The following KCNT2 variants were observed in gnomAD, a reference collection of about 807,000 sequenced individuals.
KCNT2 encodes the protein potassium channel subfamily T member 2.
In KCNT2, 67 loss-of-function variants were observed where a neutral mutation model predicts 153.8. The ratio of observed to expected loss-of-function variants is 0.44; its 90% CI spans 0.36 to 0.53. KCNT2 has a LOEUF of 0.53. Among genes scored for constraint, KCNT2 ranks in the 20% least tolerant of loss-of-function variants. KCNT2 has a pLI of 0.00. For synonymous variants in KCNT2, 500 were observed against 458.8 expected (o/e 1.09, Z -1.15); for missense variants, 975 against 1,354.8 (o/e 0.72, Z 4.40).
chr1:196,351,084 T>A (rs1666643146), intron 14 of KCNT2, among the ~76,000 whole-genome samples: 1 of 152,116 alleles, frequency 6.6e-6, no homozygotes, highest in Non-Finnish European at 1.5e-5. Flanking sequence ...GGTACCAGTA[T>A]CATGCTGCTT....
intron 1 of KCNT2, among the ~76,000 whole-genome samples, chr1:196,554,082 T>G (rs1476980811): frequency 6.6e-6 from 1 of 150,932 alleles, no homozygotes; most frequent in African/African-American, 2.4e-5. Context: ...ATCAAATAAA[T>G]AACTTAATAA....
chr1:196,398,520 G>T, intron 13 of KCNT2, 43 bp downstream of exon 13: 2 of 1,084,044 alleles, frequency 1.8e-6, no homozygotes, highest in Non-Finnish European at 2.8e-6. Context: ...CACTATAGGA[G>T]TTTCAGGAAA....
intron 8 of KCNT2, among the ~76,000 whole-genome samples, chr1:196,464,411 C>T (rs77362453): frequency 1.3e-5 from 2 of 151,932 alleles, no homozygotes; most frequent in Admixed American, 6.6e-5. Flanking sequence ...GAGTTACTAA[C>T]CACATACTAT....
At chr1:196,453,957 G>T (rs1676436891) in intron 8 of KCNT2, among the ~76,000 whole-genome samples, 2 of 151,686 alleles carry the variant, frequency 1.3e-5, no homozygotes, top group Admixed American at 6.6e-5. Context: ...TGAATGCATT[G>T]CATAATTCAC....
chr1:196,305,147 C>G, intron 22 of KCNT2, 87 bp downstream of exon 22: 1 of 783,420 alleles, frequency 1.3e-6, no homozygotes, highest in Non-Finnish European at 2.2e-6. Flanking sequence ...GTTTTACTAT[C>G]TCATGGCATT....
intron 27 of KCNT2, among the ~76,000 whole-genome samples, chr1:196,230,064 C>T (rs1409637921): frequency 6.6e-6 from 1 of 151,974 alleles, no homozygotes; most frequent in Non-Finnish European, 1.5e-5. Context: ...CTAAATTAAA[C>T]AACAGATTTT....
rs1169872694 is a variant in KCNT2, at chr1:196,296,740, T to C, written c.2595+8494A>G. ...CTGTTGGCTTTAATGTTTTGAAATG[T>C]TTTTTTATTTGACTTGGGCTGTGAA... is the stretch of plus-strand genomic sequence containing the variant. On this transcript the variant is annotated intron_variant, in intron 22 of 27. Transcript: ENST00000294725. Among the ~76,000 whole-genome samples, 4 of 152,174 alleles carry C rather than the reference T, an allele frequency of 2.6e-5. No individual in the cohort carries two copies. The East Asian group carries it at 5.8e-4, about 22-fold the overall frequency.
chr1:196,377,785 T>C (rs902157979), intron 13 of KCNT2, among the ~76,000 whole-genome samples: 1 of 152,122 alleles, frequency 6.6e-6, no homozygotes, highest in Non-Finnish European at 1.5e-5. Flanking sequence ...TAGCAGGAGA[T>C]GACATTCCCT....
intron 26 of KCNT2, among the ~76,000 whole-genome samples, chr1:196,251,471 G>A (rs1217073748): frequency 1.3e-5 from 2 of 151,910 alleles, no homozygotes; most frequent in African/African-American, 4.8e-5. Flanking sequence ...GGAACTGGAG[G>A]TCATTATGTT....
intron 26 of KCNT2, among the ~76,000 whole-genome samples, chr1:196,242,798 G>A (rs896635660): frequency 6.6e-6 from 1 of 152,122 alleles, no homozygotes; most frequent in African/African-American, 2.4e-5. Flanking sequence ...TTCAGAATAA[G>A]TGTCAGGAAT....
chr1:196,346,440 C>A (rs558001338), intron 14 of KCNT2, among the ~76,000 whole-genome samples: 1 of 152,230 alleles, frequency 6.6e-6, no homozygotes, highest in South Asian at 2.1e-4. Flanking sequence ...TTATCAAACA[C>A]CAAATTCCTA....
chr1:196,228,176 G>T lies in KCNT2; in HGVS notation c.*48C>A. The T allele has an allele frequency of 1.8e-6, 2 of 1,134,956 alleles. No homozygotes were observed. The highest frequency in any genetic ancestry group is 2.4e-5 in the East Asian group (1 of 42,260). 70.3% of individuals were successfully genotyped at this position (1,134,956 alleles called of 1,614,324 possible). On this transcript the variant is annotated 3_prime_UTR_variant, in exon 28 of 28. Coordinates refer to ENST00000294725, the MANE Select transcript of KCNT2 (RefSeq NM_198503.5). ...CTTTCGTGCCAGCAAAACTTTTGTGGTTTCAAGCAAGGTCTTTGTAGGAAA... is the reference window on the plus strand; with the variant it reads ...CTTTCGTGCCAGCAAAACTTTTGTGTTTTCAAGCAAGGTCTTTGTAGGAAA...
chr1:196,480,107 A>C (rs1372840630), intron 4 of KCNT2, among the ~76,000 whole-genome samples: 1 of 151,970 alleles, frequency 6.6e-6, no homozygotes, highest in African/African-American at 2.4e-5. Flanking sequence ...TTACTGTGCC[A>C]CAAAAAGTAA....
intron 8 of KCNT2, among the ~76,000 whole-genome samples, chr1:196,449,766 T>C (rs1463147609): frequency 6.6e-6 from 1 of 151,380 alleles, no homozygotes; most frequent in Non-Finnish European, 1.5e-5. Flanking sequence ...AATGTAAAAA[T>C]ATCTGCACAA....
chr1:196,470,190 T>TG (rs1677967532), intron 5 of KCNT2, among the ~76,000 whole-genome samples: 1 of 152,188 alleles, frequency 6.6e-6, no homozygotes, highest in South Asian at 2.1e-4. Flanking sequence ...TTACAGGTGC[T>TG]GTGGTGCATC....
chr1:196,473,189 T>C (rs1678246968), intron 5 of KCNT2, among the ~76,000 whole-genome samples: 1 of 152,192 alleles, frequency 6.6e-6, no homozygotes, highest in Admixed American at 6.5e-5. Flanking sequence ...ATACCTGCCT[T>C]TCAGCTCTCA....
At chr1:196,602,204 A>G (rs1411608019) in intron 1 of KCNT2, among the ~76,000 whole-genome samples, 3 of 152,202 alleles carry the variant, frequency 2.0e-5, no homozygotes, top group Non-Finnish European at 1.5e-5. Flanking sequence ...TATTGCTCAG[A>G]AAAAGGCCAA....
At chr1:196,238,962 G>A (rs920104450) in intron 26 of KCNT2, among the ~76,000 whole-genome samples, 1 of 151,840 alleles carries the variant, frequency 6.6e-6, no homozygotes, top group African/African-American at 2.4e-5. Flanking sequence ...CATTCTCTAT[G>A]GTTGTTTTCT....
chr1:196,416,070 TGTCCCACCCA>T (rs1478286896), intron 12 of KCNT2, among the ~76,000 whole-genome samples: 1 of 145,324 alleles, frequency 6.9e-6, no homozygotes, highest in Admixed American at 6.8e-5. Flanking sequence ...CATCCCACCC[TGTCCCACCCA>T]GGACATGAAT....
Sources: allele counts gnomAD v4.1 joint callset (sites outside exome capture counted in the v4.1 genomes callset), GRCh38; gene constraint gnomAD v4.1.1; transcripts MANE v1.5; gene names NCBI Gene and HGNC (gene_info 2026-07-23, HGNC 2026-07-21).